DIABLO: variants seen among roughly 807,000 people sequenced by gnomAD.
DIABLO encodes diablo IAP-binding mitochondrial protein, also known as diablo homolog, mitochondrial.
DIABLO carries 32 observed loss-of-function variants against 31.7 expected under a neutral mutation model. The ratio of observed to expected loss-of-function variants is 1.01; its 90% CI spans 0.76 to 1.35. DIABLO has a LOEUF of 1.35. DIABLO is among the 40% of genes most tolerant of loss of function. DIABLO has a pLI of 0.00. For missense variants in DIABLO, 316 were observed against 286.4 expected (o/e 1.10, Z -0.75); for synonymous variants, 132 against 103.2 (o/e 1.28, Z -1.69).
chr12:122,225,028 C>T, intron 1 of DIABLO: 2 of 379,900 alleles, frequency 5.3e-6, no homozygotes, highest in Non-Finnish European at 9.8e-6. Context: ...GCCTGACCAA[C>T]ATGGTGAAAC....
rs779587420 is a variant in DIABLO, at chr12:122,208,438, CTG to C, written c.661_662del (p.Gln221GlyfsTer8). 3.7e-6 allele frequency: 6 copies of C among 1,614,030 alleles called. No individual in the cohort carries two copies. The highest frequency in any genetic ancestry group is 5.1e-6 in the Non-Finnish European group (6 of 1,180,038). On this transcript the variant is annotated frameshift_variant, in exon 6 of 6. Transcript: ENST00000464942. LOFTEE classifies it high-confidence loss of function. ...AQIEELRQKT[Q>X]EEGEERAESE... ...ACTCAGCCCGCTCCTCCCCTTCCTC[CTG>C]TGTTTTCTGACGGAGCTCTTCTATC...
chr12:122,212,723 C>A (rs1442833785), intron 5 of DIABLO, among the ~76,000 whole-genome samples: 1 of 151,486 alleles, frequency 6.6e-6, no homozygotes, highest in Non-Finnish European at 1.5e-5. Flanking sequence ...CTCCCAGGTT[C>A]ACGCCATTCT....
At chr12:122,215,061 C>T (rs934679491) in intron 5 of DIABLO, among the ~76,000 whole-genome samples, 1 of 152,150 alleles carries the variant, frequency 6.6e-6, no homozygotes, top group Non-Finnish European at 1.5e-5. Flanking sequence ...GGTGCGGTGG[C>T]TCGCACCTGT....
chr12:122,226,680 A>G (rs1171544674), upstream of DIABLO: 1 of 617,620 alleles, frequency 1.6e-6, no homozygotes, highest in Non-Finnish European at 2.9e-6. Flanking sequence ...AAGGCCAGGA[A>G]GCCCACAGTG....
chr12:122,216,921 A>G, intron 3 of DIABLO, 52 bp from the exon 4 acceptor site: 1 of 1,455,790 alleles, frequency 6.9e-7, no homozygotes, highest in Non-Finnish European at 9.6e-7. Context: ...ACATATCAGA[A>G]GGAATAGAGA....
At chr12:122,212,055 C>T (rs1277258103) in intron 5 of DIABLO, among the ~76,000 whole-genome samples, 3 of 148,196 alleles carry the variant, frequency 2.0e-5, no homozygotes, top group African/African-American at 7.5e-5. Flanking sequence ...AGGCTGGTCT[C>T]GAACTCTTGA....
chr12:122,208,465 C>G lies in DIABLO; in HGVS notation c.636G>C (p.Gln212His), dbSNP rs760001142. The G allele has an allele frequency of 6.2e-7, 1 of 1,614,196 alleles. No homozygotes were observed. The highest frequency in any genetic ancestry group is 8.5e-7 in the Non-Finnish European group (1 of 1,180,032). The change falls in exon 6 of 6, where the codon CAG becomes CAC. Residue 212 changes from glutamine (Q) to histidine (H), a missense_variant. By Grantham distance (24) the Gln-to-His change is conservative. Coordinates refer to ENST00000464942, the MANE Select transcript of DIABLO (RefSeq NM_001371333.1). Reference protein sequence around the residue: ...RKAETKLAEAQIEELRQKTQE... With the variant: ...RKAETKLAEAHIEELRQKTQE... The stretch of plus-strand genomic sequence containing the variant: ...GTGTTTTCTGACGGAGCTCTTCTAT[C>G]TGTGCTTCTGCCAGCTTGGTTTCTG...
Position 122,208,199 on chromosome 12 carries a change from T to G in DIABLO, c.*182A>C. 4 of 744,202 alleles carry G rather than the reference T, an allele frequency of 5.4e-6. No individual in the cohort carries two copies. Among genetic ancestry groups the G allele is most frequent in the Non-Finnish European group, 9.4e-6 (4 of 426,326 alleles). 46.1% of individuals were successfully genotyped at this position (744,202 alleles called of 1,614,324 possible). A position where few individuals can be genotyped will look rare whatever the true frequency, so the allele number is the denominator to read the frequency against. On this transcript the variant is annotated 3_prime_UTR_variant, in exon 6 of 6. Coordinates refer to ENST00000464942, the MANE Select transcript of DIABLO (RefSeq NM_001371333.1). ...CAGTGCCCAAGGGCTAAGAACCAGG[T>G]CCAGCGCAAGCCTGAGACCACAGGA...
chr12:122,213,364 T>TACCGGAAACATATA (rs1328755634), intron 5 of DIABLO, among the ~76,000 whole-genome samples: 3 of 152,190 alleles, frequency 2.0e-5, no homozygotes, highest in Non-Finnish European at 2.9e-5. Context: ...ATCCTGTCTC[T>TACCGGAAACATATA]ACCGGAAACA....
intron 5 of DIABLO, among the ~76,000 whole-genome samples, chr12:122,214,955 T>C (rs1404975818): frequency 1.3e-5 from 2 of 152,168 alleles, no homozygotes; most frequent in Non-Finnish European, 2.9e-5. Flanking sequence ...TCCGCCCTCC[T>C]TGGCCCCCCA....
intron 2 of DIABLO, among the ~76,000 whole-genome samples, chr12:122,224,024 TC>T (rs1382971733): frequency 1.3e-5 from 2 of 152,140 alleles, no homozygotes; most frequent in Non-Finnish European, 2.9e-5. Flanking sequence ...GGTCTCAAAC[TC>T]CTGAGCTCAA....
At position 122,208,299 on chromosome 12, in the gene DIABLO, C is replaced by T. The variant is rs745792304; in HGVS notation, c.*82G>A. On this transcript the variant is annotated 3_prime_UTR_variant, in exon 6 of 6. Transcript: ENST00000464942. ...CTGCCGCCTCTTCTCGGTGCACAGA[C>T]AGTCATGCCAACCCTGGGCAGGGTG... 5.9e-6 allele frequency: 9 copies of T among 1,529,196 alleles called. No individual in the cohort carries two copies. Among genetic ancestry groups the T allele is most frequent in the Non-Finnish European group, 8.1e-6 (9 of 1,114,228 alleles). The allele number at this position is 1,529,196 out of a possible 1,614,324, so 94.7% of individuals were successfully genotyped here.
rs574777883 is a variant in DIABLO at position 122,224,520 on chromosome 12, T to G, written c.175A>C (p.Ile59Leu). 6.2e-7 allele frequency: 1 copy of G among 1,613,294 alleles called. No individual in the cohort carries two copies. Reference protein sequence around the residue: ...GFGVTLCAVPIAQKSEPHSLS... With the variant: ...GFGVTLCAVPLAQKSEPHSLS... ...ACTGCACACGACAGTACCTGTGCAA[T>G]AGGAACCGCACACAGGGTTACTCCA... The change falls in exon 2 of 6, where the codon ATT becomes CTT. Residue 59 changes from isoleucine to leucine, a missense_variant. Coordinates refer to ENST00000464942, the MANE Select transcript of DIABLO (RefSeq NM_001371333.1).
At position 122,207,932 on chromosome 12, in the gene DIABLO, CG is replaced by C. The variant is rs1566018726; in HGVS notation, c.*448del. ...ACATCAGAAATACATACAAAGAAAT[CG>C]TACAAACTGGACAGGTTCCCCTCCC... On this transcript the variant is annotated 3_prime_UTR_variant, in exon 6 of 6. Coordinates refer to ENST00000464942, the MANE Select transcript of DIABLO (RefSeq NM_001371333.1). The C allele has an allele frequency of 2.2e-6, 1 of 461,542 alleles. No homozygotes were observed. Among genetic ancestry groups the C allele is most frequent in the Non-Finnish European group, 4.3e-6 (1 of 232,216 alleles). 28.6% of individuals were successfully genotyped at this position (461,542 alleles called of 1,614,324 possible). A position where few individuals can be genotyped will look rare whatever the true frequency, so the allele number is the denominator to read the frequency against.
Position 122,226,034 on chromosome 12 carries a change from AG to A in DIABLO, c.-21del. The A allele has an allele frequency of 6.3e-7, 1 of 1,599,070 alleles. No homozygotes were observed. The highest frequency in any genetic ancestry group is 1.1e-5 in the South Asian group (1 of 89,292). On this transcript the variant is annotated 5_prime_UTR_variant, in exon 1 of 6. Coordinates refer to ENST00000464942, the MANE Select transcript of DIABLO (RefSeq NM_001371333.1). ...CGCCATTGTGCAGCGCGCGGACGCC[AG>A]ACGCACACGCCGGAAGTGACGCAGC...
upstream of DIABLO, chr12:122,226,587 A>G: frequency 1.4e-6 from 1 of 690,936 alleles, no homozygotes; most frequent in Non-Finnish European, 2.6e-6. Flanking sequence ...GAGCCCCAGG[A>G]CGGTCGGCGG....
intron 2 of DIABLO, among the ~76,000 whole-genome samples, chr12:122,219,676 G>A (rs895237048): frequency 4.6e-5 from 7 of 151,044 alleles, no homozygotes; most frequent in East Asian, 2.0e-4. Flanking sequence ...CCAACATGGC[G>A]AAACCCCAAC....
upstream of DIABLO, chr12:122,226,421 A>G (rs1198269785): frequency 1.0e-5 from 7 of 680,976 alleles, no homozygotes; most frequent in African/African-American, 1.3e-4. Context: ...GGGCGCGGCG[A>G]CGGCGCTGTC....
At chr12:122,220,737 C>G (rs371275538) in intron 2 of DIABLO, 1 of 152,206 alleles carries the variant, frequency 6.6e-6, no homozygotes, top group East Asian at 1.9e-4. Flanking sequence ...AGAGTACAAA[C>G]ACTCAGAATC....
Sources: gnomAD v4.1 joint callset for allele counts (sites outside exome capture counted in the v4.1 genomes callset) on GRCh38, gnomAD v4.1.1 for gene constraint, MANE v1.5 for transcripts, NCBI Gene and HGNC (gene_info 2026-07-23, HGNC 2026-07-21) for gene names.